Variants in ADPGK observed in about 807,000 individuals in gnomAD.
The protein encoded by ADPGK is ADP dependent glucokinase.
A neutral mutation model predicts 42.4 loss-of-function variants in ADPGK; 26 were observed. The observed-to-expected ratio is 0.61, with a 90% CI of 0.45 to 0.85. The LOEUF (loss-of-function observed/expected upper bound fraction) is 0.85. ADPGK is among the 40% of genes least tolerant of loss of function. ADPGK has a pLI of 0.00. For missense variants in ADPGK, 571 were observed against 627.0 expected (o/e 0.91, Z 0.95); for synonymous variants, 267 against 252.6 (o/e 1.06, Z -0.54).
chr15:72,761,666 G>GA (rs1000640083), intron 3 of ADPGK, among the ~76,000 whole-genome samples: 1 of 151,358 alleles, frequency 6.6e-6, no homozygotes, highest in Non-Finnish European at 1.5e-5. Context: ...AGATTTAAAG[G>GA]AAAGTCCACA....
intron 5 of ADPGK, 133 bp downstream of exon 5, chr15:72,756,118 G>T: frequency 9.0e-7 from 1 of 1,109,768 alleles, no homozygotes; most frequent in Non-Finnish European, 1.3e-6. Context: ...CAGGAGGCAA[G>T]CTCCACAGCC....
intron 3 of ADPGK, among the ~76,000 whole-genome samples, chr15:72,761,005 T>TC (rs1347657752): frequency 6.6e-6 from 1 of 151,458 alleles, no homozygotes; most frequent in Non-Finnish European, 1.5e-5. Context: ...TCAATCTCTC[T>TC]CCCCCCACCG....
chr15:72,756,531 C>G, intron 4 of ADPGK, 84 bp from the exon 5 acceptor site: 1 of 1,451,740 alleles, frequency 6.9e-7, no homozygotes, highest in South Asian at 1.3e-5. Context: ...AGGCACCTCA[C>G]AGGAGCCTTG....
chr15:72,781,438 T>C (rs1437244245), intron 1 of ADPGK, among the ~76,000 whole-genome samples: 1 of 152,214 alleles, frequency 6.6e-6, no homozygotes. Context: ...CACATTTGGT[T>C]CTCTTGCCTA....
intron 3 of ADPGK, among the ~76,000 whole-genome samples, chr15:72,768,590 C>A (rs1160641394): frequency 2.0e-5 from 3 of 152,010 alleles, no homozygotes; most frequent in African/African-American, 7.2e-5. Flanking sequence ...ATCACTTGAA[C>A]CTGAGAGACG....
chr15:72,783,162 C>A, intron 1 of ADPGK: 1 of 1,147,444 alleles, frequency 8.7e-7, no homozygotes. Context: ...AGAGAAGGGG[C>A]TAAAAGTTGG....
At position 72,783,677 on chromosome 15, in the gene ADPGK, G is replaced by C. The variant is rs898223866; in HGVS notation, c.15C>G (p.Arg5=). 29 of 1,495,806 alleles carry C rather than the reference G, an allele frequency of 1.9e-5. No individual in the cohort carries two copies. The highest frequency in any genetic ancestry group is 6.5e-5 in the Admixed American group (3 of 46,220). The allele number at this position is 1,495,806 out of a possible 1,614,324, so 92.7% of individuals were successfully genotyped here. Residue 5 remains arginine, a synonymous_variant, in exon 1 of 7, where the codon CGC becomes CGG. Transcript: ENST00000456471. MALW[R]GSAYAGFLAL... ...CCAGGAAGCCCGCGTACGCGGAGCC[G>C]CGCCACAGCGCCATGGGGACCCAGG...
intron 5 of ADPGK, chr15:72,755,920 T>C (rs1393759919): frequency 4.6e-6 from 3 of 648,174 alleles, no homozygotes; most frequent in Non-Finnish European, 8.6e-6. Context: ...TCTGTAGGAG[T>C]TGCAGCATAG....
chr15:72,755,669 A>C lies in ADPGK; in HGVS notation c.841-15T>G. Reference sequence around the variant, plus strand: ...GAGGTTACAACCTGCAAAGAGAAGAAGATAAGCACTGCCATTAGAAATAGA... The same window carrying C: ...GAGGTTACAACCTGCAAAGAGAAGACGATAAGCACTGCCATTAGAAATAGA... On this transcript the variant is annotated splice_polypyrimidine_tract_variant and intron_variant, in intron 5 of 6. Coordinates refer to ENST00000456471, the MANE Select transcript of ADPGK (RefSeq NM_001365225.1). 6.4e-7 allele frequency: 1 copy of C among 1,563,818 alleles called. No homozygotes were observed. Among genetic ancestry groups the C allele is most frequent in the African/African-American group, 1.4e-5 (1 of 73,890 alleles).
At chr15:72,781,124 C>G (rs555587509) in intron 1 of ADPGK, among the ~76,000 whole-genome samples, 9 of 152,082 alleles carry the variant, frequency 5.9e-5, no homozygotes, top group Non-Finnish European at 8.8e-5. Context: ...ACACCTGCTC[C>G]CCCTCATCCC....
At chr15:72,774,826 G>GGCA (rs2066370394) in intron 2 of ADPGK, 46 bp downstream of exon 2, 8 of 1,531,078 alleles carry the variant, frequency 5.2e-6, no homozygotes, top group Non-Finnish European at 6.3e-6. Context: ...ATATTAAAAA[G>GGCA]GCATCTTTTT....
intron 3 of ADPGK, among the ~76,000 whole-genome samples, chr15:72,768,126 A>T (rs2066281833): frequency 1.3e-5 from 2 of 152,152 alleles, no homozygotes; most frequent in African/African-American, 4.8e-5. Context: ...GGAATAATAG[A>T]ATACCATAAT....
chr15:72,783,444 C>T lies in ADPGK; in HGVS notation c.233+15G>A. On this transcript the variant is annotated intron_variant, in intron 1 of 6. Coordinates refer to ENST00000456471, the MANE Select transcript of ADPGK (RefSeq NM_001365225.1). The stretch of plus-strand genomic sequence containing the variant: ...ACCTCGGAGGCTCAGAGACCCAGGC[C>T]CCGTTGGCACTCACCCCACTGCCAC... 7.4e-7 allele frequency: 1 copy of T among 1,347,604 alleles called. No individual in the cohort carries two copies. Among genetic ancestry groups the T allele is most frequent in the Non-Finnish European group, 9.5e-7 (1 of 1,054,612 alleles). The allele number at this position is 1,347,604 out of a possible 1,614,324, so 83.5% of individuals were successfully genotyped here.
chr15:72,759,752 T>C (rs766231421), intron 4 of ADPGK, among the ~76,000 whole-genome samples: 12 of 152,272 alleles, frequency 7.9e-5, no homozygotes, highest in African/African-American at 2.2e-4. Context: ...CAGCAGGAAA[T>C]ACACAGGATC....
intron 1 of ADPGK, among the ~76,000 whole-genome samples, chr15:72,780,065 T>C (rs2066437936): frequency 6.6e-6 from 1 of 152,232 alleles, no homozygotes; most frequent in African/African-American, 2.4e-5. Flanking sequence ...TAAATCAATG[T>C]GAGAAGACTC....
At chr15:72,783,415 G>C in intron 1 of ADPGK, 44 bp downstream of exon 1, 1 of 1,324,644 alleles carries the variant, frequency 7.5e-7, no homozygotes, top group African/African-American at 1.5e-5. Context: ...GACCTCCAAG[G>C]CCGACCTCGG....
chr15:72,773,854 C>T (rs1280000746), intron 2 of ADPGK, among the ~76,000 whole-genome samples: 2 of 152,182 alleles, frequency 1.3e-5, no homozygotes, highest in African/African-American at 4.8e-5. Flanking sequence ...TAGGCAGCTT[C>T]GAAGACAAAA....
chr15:72,770,782 A>C (rs1164863735), intron 3 of ADPGK, among the ~76,000 whole-genome samples: 1 of 152,194 alleles, frequency 6.6e-6, no homozygotes, highest in Non-Finnish European at 1.5e-5. Context: ...CTGAAAGCAC[A>C]TCTATCTCCA....
rs371670757 is a variant in ADPGK, at chr15:72,760,356, A to G, written c.643+51T>C. ...GGCACAGTCACACCCCAATCTGACA[A>G]TACACAGCCCCTTGACTGGTCTTGC... is the stretch of plus-strand genomic sequence containing the variant. On this transcript the variant is annotated intron_variant, in intron 4 of 6. Coordinates refer to ENST00000456471, the MANE Select transcript of ADPGK (RefSeq NM_001365225.1). 4 of 1,537,974 alleles carry G rather than the reference A, an allele frequency of 2.6e-6. No homozygotes were observed. In the African/African-American group the frequency reaches 5.5e-5, roughly 21 times the overall value.
Sources: allele counts gnomAD v4.1 joint callset (sites outside exome capture counted in the v4.1 genomes callset), GRCh38; gene constraint gnomAD v4.1.1; transcripts MANE v1.5; gene names NCBI Gene and HGNC (gene_info 2026-07-23, HGNC 2026-07-21).